NFIB: variants seen among roughly 807,000 people sequenced by gnomAD.
NFIB encodes nuclear factor I B.
In NFIB, 11 loss-of-function variants were observed where a neutral mutation model predicts 61.5. The observed-to-expected ratio is 0.18, with a 90% CI of 0.11 to 0.30. The LOEUF is 0.30. Among genes scored for constraint, NFIB ranks in the 10% least tolerant of loss-of-function variants. The pLI is 1.00. For missense variants in NFIB, 471 were observed against 608.9 expected (o/e 0.77, Z 2.38); for synonymous variants, 260 against 216.5 (o/e 1.20, Z -1.76).
intron 6 of NFIB, among the ~76,000 whole-genome samples, chr9:14,129,611 T>C (rs1444231529): frequency 5.9e-5 from 9 of 152,126 alleles, no homozygotes; most frequent in Admixed American, 5.9e-4. Context: ...CTATGTGTAA[T>C]GTGCTCATAT....
the NFIB span, among the ~76,000 whole-genome samples, chr9:14,495,645 G>T: frequency 1.3e-5 from 2 of 151,840 alleles, no homozygotes; most frequent in South Asian, 4.2e-4. Context: ...CAGGTGCAGT[G>T]TAATTAAAAA....
chr9:14,383,855 C>T (rs1000066192), intron 1 of NFIB, among the ~76,000 whole-genome samples: 1 of 152,206 alleles, frequency 6.6e-6, no homozygotes, highest in African/African-American at 2.4e-5. Flanking sequence ...TGGGAAAGAA[C>T]ATAATCTTGG....
At chr9:14,209,962 C>T (rs1053883655) in intron 2 of NFIB, among the ~76,000 whole-genome samples, 1 of 151,908 alleles carries the variant, frequency 6.6e-6, no homozygotes, top group East Asian at 1.9e-4. Context: ...TACAAAAATG[C>T]TTTTTATTTA....
chr9:14,482,033 G>C, the NFIB span, among the ~76,000 whole-genome samples: 1 of 152,018 alleles, frequency 6.6e-6, no homozygotes, highest in African/African-American at 2.4e-5. Context: ...TTCTAACTAA[G>C]GGTTGGAATG....
chr9:14,227,704 T>C (rs2052608524), intron 2 of NFIB, among the ~76,000 whole-genome samples: 1 of 152,310 alleles, frequency 6.6e-6, no homozygotes, highest in South Asian at 2.1e-4. Flanking sequence ...AGATTCACAA[T>C]GTTTCACTCT....
intron 2 of NFIB, among the ~76,000 whole-genome samples, chr9:14,257,073 C>T (rs2056286515): frequency 6.6e-6 from 1 of 152,318 alleles, no homozygotes; most frequent in African/African-American, 2.4e-5. Context: ...AAAGGTTTAG[C>T]ACCCAAGGCT....
At chr9:14,223,078 G>C (rs1463811972) in intron 2 of NFIB, among the ~76,000 whole-genome samples, 2 of 152,128 alleles carry the variant, frequency 1.3e-5, no homozygotes, top group Non-Finnish European at 2.9e-5. Context: ...AAAGCAGAAA[G>C]AAAAATCTCA....
intron 5 of NFIB, among the ~76,000 whole-genome samples, chr9:14,147,967 TATGAC>T (rs1372536938): frequency 3.3e-5 from 5 of 151,910 alleles, no homozygotes; most frequent in African/African-American, 4.8e-5. Flanking sequence ...AATATGGAAA[TATGAC>T]TCATCTCAAT....
At chr9:14,492,939 G>A in the NFIB span, among the ~76,000 whole-genome samples, 2 of 152,194 alleles carry the variant, frequency 1.3e-5, no homozygotes, top group East Asian at 3.9e-4. Context: ...ACCTCTCTGA[G>A]CTTCATATTC....
At chr9:14,260,351 C>T (rs2056631926) in intron 2 of NFIB, among the ~76,000 whole-genome samples, 1 of 152,190 alleles carries the variant, frequency 6.6e-6, no homozygotes, top group Admixed American at 6.5e-5. Flanking sequence ...TCACCAAGGA[C>T]ACTATGAAAT....
chr9:14,469,381 T>C, the NFIB span, among the ~76,000 whole-genome samples: 1 of 152,114 alleles, frequency 6.6e-6, no homozygotes, highest in Admixed American at 6.5e-5. Flanking sequence ...TATAGAGCTC[T>C]TCCCTGGAAA....
chr9:14,353,649 G>T (rs994465189), intron 1 of NFIB, among the ~76,000 whole-genome samples: 1 of 152,120 alleles, frequency 6.6e-6, no homozygotes, highest in Non-Finnish European at 1.5e-5. Context: ...AGGCTGCTGC[G>T]CCCCCTGGTG....
chr9:14,186,750 T>C (rs780402707), intron 2 of NFIB, among the ~76,000 whole-genome samples: 39 of 150,498 alleles, frequency 2.6e-4, no homozygotes, highest in Non-Finnish European at 5.0e-4. Context: ...AAGTTTCCTA[T>C]TACATAATTT....
At chr9:14,334,418 A>AT (rs2060859702) in intron 1 of NFIB, among the ~76,000 whole-genome samples, 1 of 152,154 alleles carries the variant, frequency 6.6e-6, no homozygotes, top group Non-Finnish European at 1.5e-5. Context: ...TTTAATTTGC[A>AT]TTTTTCAAAT....
intron 2 of NFIB, among the ~76,000 whole-genome samples, chr9:14,254,041 C>G (rs1044675717): frequency 6.6e-6 from 1 of 152,152 alleles, no homozygotes; most frequent in Non-Finnish European, 1.5e-5. Context: ...GTAGCTCATG[C>G]CCGTAATCCC....
At chr9:14,296,437 T>A (rs940553193) in intron 2 of NFIB, among the ~76,000 whole-genome samples, 1 of 152,240 alleles carries the variant, frequency 6.6e-6, no homozygotes, top group African/African-American at 2.4e-5. Flanking sequence ...ATGATTTTTG[T>A]TACAAAATGA....
At chr9:14,142,838 G>T (rs910427919) in intron 6 of NFIB, among the ~76,000 whole-genome samples, 1 of 152,140 alleles carries the variant, frequency 6.6e-6, no homozygotes, top group Non-Finnish European at 1.5e-5. Context: ...AGGAGTTTAA[G>T]ACCAGGATTT....
the NFIB span, among the ~76,000 whole-genome samples, chr9:14,459,716 T>G: frequency 1.0e-3 from 152 of 151,800 alleles, 1 homozygote; most frequent in African/African-American, 3.2e-3. Context: ...AGGATATGAA[T>G]GGACACTTCT....
chr9:14,479,013 G>A, the NFIB span, among the ~76,000 whole-genome samples: 4 of 152,308 alleles, frequency 2.6e-5, no homozygotes, highest in East Asian at 3.9e-4. Flanking sequence ...CATCCTTGCA[G>A]ATGTTAAATA....
Sources: allele counts gnomAD v4.1 joint callset (sites outside exome capture counted in the v4.1 genomes callset), GRCh38; gene constraint gnomAD v4.1.1; transcripts MANE v1.5; gene names NCBI Gene and HGNC (gene_info 2026-07-23, HGNC 2026-07-21).